Variants in SNX9 observed in about 807,000 individuals in gnomAD.
The protein encoded by SNX9 is sorting nexin 9.
A neutral mutation model predicts 89.4 loss-of-function variants in SNX9; 44 were observed. The ratio of observed to expected loss-of-function variants is 0.49; its 90% CI spans 0.39 to 0.63. The LOEUF is 0.63. Ranked by LOEUF, SNX9 falls within the 30% of genes least tolerant of loss-of-function variation. SNX9 has a pLI of 0.00. For synonymous variants in SNX9, 236 were observed against 247.8 expected (o/e 0.95, Z 0.45); for missense variants, 578 against 736.1 (o/e 0.79, Z 2.49).
chr6:157,942,831 TG>T lies in SNX9; in HGVS notation c.1782del (p.Met595CysfsTer16). ...AGGCAGGCCCTCAGCCGCTTTCCAG[TG>T]ATGTAGGACAGAACGGGCCTTGAAG... ...KLRQALSRFPVM is the reference protein window; with the variant it reads ...KLRQALSRFPXM On this transcript the variant is annotated frameshift_variant, in exon 18 of 18. Coordinates refer to ENST00000392185, the MANE Select transcript of SNX9 (RefSeq NM_016224.5). LOFTEE classifies it high-confidence loss of function. The T allele has an allele frequency of 6.2e-7, 1 of 1,613,910 alleles. No individual in the cohort carries two copies. Among genetic ancestry groups the T allele is most frequent in the Non-Finnish European group, 8.5e-7 (1 of 1,179,934 alleles).
At position 157,826,913 on chromosome 6, in the gene SNX9, TA is replaced by T. The variant is rs1366089368; in HGVS notation, c.12+3471del. On this transcript the variant is annotated intron_variant, in intron 1 of 17. Coordinates refer to ENST00000392185, the MANE Select transcript of SNX9 (RefSeq NM_016224.5). ...TATATATTATAGTTTATATAATATA[TA>T]AAATATATTATAGTTTATATAATAT... Among the ~76,000 whole-genome samples, 33 of 72,664 alleles carry T rather than the reference TA, an allele frequency of 4.5e-4. 2 individuals are homozygous for T. Among genetic ancestry groups the T allele is most frequent in the African/African-American group, 7.5e-4 (9 of 11,990 alleles). The allele number at this position is 72,664 out of a possible 152,430, so 47.7% of individuals were successfully genotyped here.
chr6:157,850,471 G>A (rs1462600159), intron 1 of SNX9, among the ~76,000 whole-genome samples: 2 of 152,306 alleles, frequency 1.3e-5, no homozygotes, highest in African/African-American at 2.4e-5. Context: ...AGGAGAGCGT[G>A]GCGAAGTTGT....
At chr6:157,875,362 C>T (rs1782497940) in intron 4 of SNX9, among the ~76,000 whole-genome samples, 186 bp downstream of exon 4, 1 of 152,094 alleles carries the variant, frequency 6.6e-6, no homozygotes, top group African/African-American at 2.4e-5. Flanking sequence ...CTGATAATGA[C>T]TGTTTGCAAA....
chr6:157,910,481 A>T, intron 9 of SNX9, among the ~76,000 whole-genome samples: 1 of 152,236 alleles, frequency 6.6e-6, no homozygotes, highest in Non-Finnish European at 1.5e-5. Context: ...AAGCCACAGA[A>T]CTACTAAGTG....
intron 1 of SNX9, among the ~76,000 whole-genome samples, chr6:157,844,319 G>A (rs1379540173): frequency 6.6e-6 from 1 of 152,118 alleles, no homozygotes; most frequent in Non-Finnish European, 1.5e-5. Context: ...GGTGGGTGGG[G>A]GAAGCCAGTG....
rs920859507 is a variant in SNX9 at position 157,944,445 on chromosome 6, T to C, written c.*1607T>C. 10 of 152,638 alleles carry C rather than the reference T, an allele frequency of 6.6e-5. No homozygotes were observed. Among genetic ancestry groups the C allele is most frequent in the African/African-American group, 2.4e-4 (10 of 41,448 alleles). The allele number at this position is 152,638 out of a possible 1,614,324, so 9.5% of individuals were successfully genotyped here. A position where few individuals can be genotyped will look rare whatever the true frequency, so the allele number is the denominator to read the frequency against. ...ATTGTAAAGAATATGTATAAATGTT[T>C]TACACGAATGTAAGAGCATGTAGAA... On this transcript the variant is annotated 3_prime_UTR_variant, in exon 18 of 18. Coordinates refer to ENST00000392185, the MANE Select transcript of SNX9 (RefSeq NM_016224.5).
At chr6:157,926,918 A>G (rs1783705127) in intron 10 of SNX9, among the ~76,000 whole-genome samples, 193 bp from the exon 11 acceptor site, 1 of 152,196 alleles carries the variant, frequency 6.6e-6, no homozygotes, top group South Asian at 2.1e-4. Context: ...CTGTGGAATG[A>G]CACTGTTCAT....
chr6:157,835,830 T>C (rs1781571497), intron 1 of SNX9, among the ~76,000 whole-genome samples: 1 of 152,162 alleles, frequency 6.6e-6, no homozygotes, highest in Admixed American at 6.5e-5. Flanking sequence ...TAAACCTCTT[T>C]CCTGTATAAA....
rs374518124 is a variant in SNX9, at chr6:157,878,430, C to CTT, written c.300+3254_300+3255insTT. Among the ~76,000 whole-genome samples the CTT allele has an allele frequency of 1.7e-3, 257 of 146,912 alleles. 4 individuals are homozygous for CTT. Among genetic ancestry groups the CTT allele is most frequent in the African/African-American group, 6.2e-3 (244 of 39,404 alleles). On this transcript the variant is annotated intron_variant, in intron 4 of 17. Coordinates refer to ENST00000392185, the MANE Select transcript of SNX9 (RefSeq NM_016224.5). ...ATGATCTTGGAATATGGAAGCCCACCATTTTTTTTTTTTTTTTGAGACGGA... is the reference window on the plus strand; with the variant it reads ...ATGATCTTGGAATATGGAAGCCCACCTTATTTTTTTTTTTTTTTTGAGACGGA...
chr6:157,860,675 C>G (rs1782103486), intron 1 of SNX9, among the ~76,000 whole-genome samples: 1 of 152,208 alleles, frequency 6.6e-6, no homozygotes, highest in Admixed American at 6.5e-5. Context: ...TCATCCCAAT[C>G]TCTAGAAGTT....
intron 13 of SNX9, 68 bp from the exon 14 acceptor site, chr6:157,935,896 T>G (rs1783913758): frequency 8.8e-7 from 1 of 1,130,258 alleles, no homozygotes; most frequent in African/African-American, 1.6e-5. Context: ...AAATCAATAA[T>G]AAAATTTTAA....
chr6:157,911,957 G>T (rs939102032), intron 9 of SNX9, among the ~76,000 whole-genome samples: 3 of 152,148 alleles, frequency 2.0e-5, no homozygotes, highest in African/African-American at 7.2e-5. Flanking sequence ...ACACTTGAGT[G>T]GTCCCTCGTG....
rs559549456 is a variant in SNX9, at chr6:157,868,770, A to G, written c.99+1137A>G. ...TAATAGTATTTCATTGCAGGCTTAT[A>G]TAGATGGAGAAGGAACAAAAGCAGA... On this transcript the variant is annotated intron_variant, in intron 2 of 17. Transcript: ENST00000392185. Among the ~76,000 whole-genome samples, 101 of 152,378 alleles carry G rather than the reference A, an allele frequency of 6.6e-4. 1 individual carries two copies. The highest frequency in any genetic ancestry group is 6.8e-3 in the Middle Eastern group (2 of 294).
chr6:157,907,038 A>G (rs527379506), intron 7 of SNX9, among the ~76,000 whole-genome samples: 38 of 152,312 alleles, frequency 2.5e-4, no homozygotes, highest in Admixed American at 3.9e-4. Context: ...TTGTGCCTGC[A>G]TGTTTGAAAA....
chr6:157,901,398 C>CA (rs1157991077), intron 5 of SNX9, among the ~76,000 whole-genome samples: 1 of 152,096 alleles, frequency 6.6e-6, no homozygotes, highest in Non-Finnish European at 1.5e-5. Flanking sequence ...GTGTAATACT[C>CA]AAAAAAACAT....
chr6:157,925,184 A>G (rs1346169390), intron 10 of SNX9, among the ~76,000 whole-genome samples: 1 of 152,276 alleles, frequency 6.6e-6, no homozygotes, highest in Non-Finnish European at 1.5e-5. Context: ...CCCAGTGGAA[A>G]AATAGGAGAT....
rs1043083811 is a variant in SNX9, at chr6:157,823,452, G to C, written c.12+6G>C. On this transcript the variant is annotated splice_donor_region_variant and intron_variant, in intron 1 of 17. Coordinates refer to ENST00000392185, the MANE Select transcript of SNX9 (RefSeq NM_016224.5). This position sits in a 1 kb window ranked among gnomAD's most constrained non-coding sequence, Gnocchi z 4.6. Reference sequence around the variant, plus strand: ...CGCCCGCCATGGCCACCAAGGTGAGGGGCGCGCGGCGCAGGCCGGGCCGGT... The same window carrying C: ...CGCCCGCCATGGCCACCAAGGTGAGCGGCGCGCGGCGCAGGCCGGGCCGGT... The C allele has an allele frequency of 4.9e-6, 6 of 1,224,300 alleles. No homozygotes were observed. Among genetic ancestry groups the C allele is most frequent in the Non-Finnish European group, 5.1e-6 (5 of 985,088 alleles). 75.8% of individuals were successfully genotyped at this position (1,224,300 alleles called of 1,614,324 possible).
At chr6:157,938,522 AT>A in intron 15 of SNX9, 110 bp from the exon 16 acceptor site, 1 of 639,114 alleles carries the variant, frequency 1.6e-6, no homozygotes, top group South Asian at 2.5e-5. Context: ...TTGTGGAGGT[AT>A]TTCCTGTTCA....
In SNX9 at chr6:157,875,075, C is replaced by G. The variant is rs749203434; in HGVS notation, c.199C>G (p.Gln67Glu). The G allele has an allele frequency of 5.0e-6, 8 of 1,613,756 alleles. No individual in the cohort carries two copies. The highest frequency in any genetic ancestry group is 3.4e-6 in the Non-Finnish European group (4 of 1,179,936). Reference sequence around the variant, plus strand: ...GATTTTACCCAGTGATGGAAAAGATCAATTTTCTTGTGGAAATTCAGTGGC... The same window carrying G: ...GATTTTACCCAGTGATGGAAAAGATGAATTTTCTTGTGGAAATTCAGTGGC... ...VEILPSDGKD[Q>E]FSCGNSVADQ... Residue 67 changes from glutamine (Q) to glutamate (E), a missense_variant, in exon 4 of 18, where the codon CAA becomes GAA. By Grantham distance (29) the Gln-to-Glu change is conservative (BLOSUM62 2). Transcript: ENST00000392185.
Sources: allele counts gnomAD v4.1 joint callset (sites outside exome capture counted in the v4.1 genomes callset), GRCh38; gene constraint gnomAD v4.1.1; non-coding constraint Gnocchi (gnomAD v3.1); transcripts MANE v1.5; gene names NCBI Gene and HGNC (gene_info 2026-07-23, HGNC 2026-07-21).